The following SEC63 variants were observed in gnomAD, a reference collection of about 807,000 sequenced individuals.
SEC63 encodes the protein SEC63 protein translocation regulator.
Under a neutral mutation model 116.2 loss-of-function variants are expected in SEC63, and 56 were observed. The ratio of observed to expected loss-of-function variants is 0.48; its 90% CI spans 0.39 to 0.60. The LOEUF (loss-of-function observed/expected upper bound fraction) is 0.60, where lower values mean the gene tolerates loss of function less well. Ranked by LOEUF, SEC63 falls within the 20% of genes least tolerant of loss-of-function variation. The pLI is 0.00. For synonymous variants in SEC63, 273 were observed against 294.6 expected, an observed-to-expected ratio of 0.93 and a Z score of 0.75; for missense variants, 668 against 900.0, an observed-to-expected ratio of 0.74 and a Z score of 3.30.
intron 11 of SEC63, among the ~76,000 whole-genome samples, chr6:107,903,225 G>A (rs1469640230): frequency 5.9e-5 from 9 of 152,068 alleles, no homozygotes; most frequent in Non-Finnish European, 1.3e-4. Context: ...AAAATTATTT[G>A]CCTCACCTCA....
rs148258526 is a variant in SEC63 at position 107,947,268 on chromosome 6, G to C, written c.124+10618C>G. Among the ~76,000 whole-genome samples, 454 of 152,048 alleles carry C rather than the reference G, an allele frequency of 3.0e-3. 3 individuals are homozygous for C. The highest frequency in any genetic ancestry group is 0.01 in the African/African-American group (433 of 41,460). ...GCCAAGATTGTGCTACTGCACTCCA[G>C]CCTGGGTGACAGAGTGAGACCCTGT... On this transcript the variant is annotated intron_variant, in intron 1 of 20. Transcript: ENST00000369002.
In SEC63 at chr6:107,957,875, G is replaced by A. The variant is rs199958987; in HGVS notation, c.124+11C>T. On this transcript the variant is annotated intron_variant, in intron 1 of 20. Transcript: ENST00000369002. ...TGCGCGGGTTCGCGGGCAAAGGCCG[G>A]CGGGACTCACCGGCATTCTGATCTC... The A allele has an allele frequency of 1.2e-6, 2 of 1,609,206 alleles. No individual in the cohort carries two copies. The highest frequency in any genetic ancestry group is 2.7e-5 in the African/African-American group (2 of 74,620).
At chr6:107,873,211 G>A (rs1175980948) in intron 19 of SEC63, among the ~76,000 whole-genome samples, 1 of 152,072 alleles carries the variant, frequency 6.6e-6, no homozygotes, top group African/African-American at 2.4e-5. Context: ...CTATCATCTT[G>A]AAGAAATTAA....
rs1256789698 is a variant in SEC63 at position 107,868,187 on chromosome 6, G to A, written c.*3517C>T. 3.3e-5 allele frequency: 5 copies of A among 151,574 alleles called. No individual in the cohort carries two copies. In the East Asian group the frequency reaches 9.7e-4, roughly 29 times the overall value. The allele number at this position is 151,574 out of a possible 1,614,324, so 9.4% of individuals were successfully genotyped here. Reference sequence around the variant, plus strand: ...GGCAGTCTAAATAGAGGATTTCATGGAGTTAAATCAGACCGTTTGTGGGAA... The same window carrying A: ...GGCAGTCTAAATAGAGGATTTCATGAAGTTAAATCAGACCGTTTGTGGGAA... On this transcript the variant is annotated 3_prime_UTR_variant, in exon 21 of 21. Transcript: ENST00000369002.
intron 18 of SEC63, among the ~76,000 whole-genome samples, chr6:107,879,308 C>T (rs1786352078): frequency 6.6e-6 from 1 of 151,882 alleles, no homozygotes; most frequent in African/African-American, 2.4e-5. Context: ...GGATTATAGG[C>T]ACCCGCCACC....
rs771633199 is a variant in SEC63, at chr6:107,893,612, T to G, written c.1544A>C (p.Gln515Pro). The G allele has an allele frequency of 1.2e-6, 2 of 1,613,566 alleles. No individual in the cohort carries two copies. Among genetic ancestry groups the G allele is most frequent in the Non-Finnish European group, 1.7e-6 (2 of 1,179,908 alleles). Reference protein sequence around the residue: ...NKNRTKGGWQQKSKGPKKTAK... With the variant: ...NKNRTKGGWQPKSKGPKKTAK... ...AGTTTTCTTGGGTCCTTTACTCTTC[T>G]GTTGCCATCCTCCTTTTGTCCTGTT... Residue 515 changes from glutamine (Q) to proline (P), a missense_variant, in exon 16 of 21, where the codon CAG (glutamine) becomes CCG (proline). Around this residue, in one of 5 missense-constraint regions of SEC63, gnomAD observed 430 missense variants for 557.5 expected, o/e 0.77. Transcript: ENST00000369002.
intron 16 of SEC63, among the ~76,000 whole-genome samples, chr6:107,889,250 T>C (rs1056939115): frequency 3.9e-5 from 6 of 152,184 alleles, no homozygotes; most frequent in Non-Finnish European, 2.9e-5. Flanking sequence ...AGGGTATTAA[T>C]TGCTGCCTCA....
chr6:107,915,991 A>T (rs984012942), intron 4 of SEC63, among the ~76,000 whole-genome samples: 1 of 152,200 alleles, frequency 6.6e-6, no homozygotes, highest in African/African-American at 2.4e-5. Flanking sequence ...ACTGAGTTAA[A>T]ACTAAACACC....
chr6:107,916,838 T>TC, intron 4 of SEC63, among the ~76,000 whole-genome samples: 1 of 152,124 alleles, frequency 6.6e-6, no homozygotes, highest in East Asian at 1.9e-4. Context: ...CACTGGCCAT[T>TC]CCCCCATCTC....
chr6:107,900,034 G>C (rs6933288), intron 13 of SEC63, among the ~76,000 whole-genome samples: 151,705 of 152,330 alleles, frequency 1, 75,546 homozygotes, highest in East Asian at 1. Context: ...TAAGCAGAGG[G>C]TATGTCTTAC....
intron 3 of SEC63, among the ~76,000 whole-genome samples, chr6:107,923,444 A>T (rs1787602525): frequency 6.6e-6 from 1 of 152,114 alleles, no homozygotes; most frequent in Non-Finnish European, 1.5e-5. Flanking sequence ...AGAACCCATT[A>T]ATCAGGTTTA....
chr6:107,877,075 A>ATATATATATG (rs1454617210), intron 18 of SEC63: 1 of 174,242 alleles, frequency 5.7e-6, no homozygotes, highest in African/African-American at 2.5e-5. Context: ...GTGTGTGTAT[A>ATATATATATG]TATATATATA....
intron 4 of SEC63, among the ~76,000 whole-genome samples, chr6:107,915,717 G>A (rs1022056712): frequency 1.3e-5 from 2 of 152,070 alleles, no homozygotes; most frequent in Non-Finnish European, 2.9e-5. Flanking sequence ...ACCTAAGCAA[G>A]TTCTAAAAAA....
At chr6:107,957,827 G>A (rs1488794661) in intron 1 of SEC63, 59 bp downstream of exon 1, 5 of 1,494,430 alleles carry the variant, frequency 3.3e-6, no homozygotes, top group African/African-American at 2.9e-5. Context: ...GGCGCCGCAG[G>A]GCCTGGGGGC....
At chr6:107,912,010 C>G (rs1192739266) in intron 6 of SEC63, among the ~76,000 whole-genome samples, 1 of 152,208 alleles carries the variant, frequency 6.6e-6, no homozygotes. Flanking sequence ...GCATGACAAA[C>G]AAGCTTATGC....
intron 20 of SEC63, among the ~76,000 whole-genome samples, chr6:107,872,522 T>G (rs889736535): frequency 6.6e-6 from 1 of 151,890 alleles, no homozygotes; most frequent in African/African-American, 2.4e-5. Context: ...AAAGTGCCTT[T>G]CTAAAGAAAA....
chr6:107,881,958 C>CACT (rs1167220377), intron 17 of SEC63, among the ~76,000 whole-genome samples: 2 of 152,104 alleles, frequency 1.3e-5, no homozygotes, highest in Non-Finnish European at 2.9e-5. Context: ...TGTCAAAACC[C>CACT]TAAGAGTCAC....
chr6:107,923,362 C>T (rs1053075246), intron 3 of SEC63, among the ~76,000 whole-genome samples: 3 of 152,168 alleles, frequency 2.0e-5, no homozygotes, highest in Non-Finnish European at 4.4e-5. Flanking sequence ...AATCCTCCTA[C>T]CTCAGCCTCC....
chr6:107,927,551 A>T (rs1056082496), intron 2 of SEC63, among the ~76,000 whole-genome samples: 5 of 152,120 alleles, frequency 3.3e-5, no homozygotes, highest in African/African-American at 1.2e-4. Flanking sequence ...TTCCTTACCT[A>T]AACTCCCTTA....
Sources: gnomAD v4.1 joint callset for allele counts (sites outside exome capture counted in the v4.1 genomes callset) on GRCh38, gnomAD v4.1.1 for gene constraint, gnomAD v4.1.1 regional missense constraint, MANE v1.5 for transcripts, NCBI Gene and HGNC (gene_info 2026-07-23, HGNC 2026-07-21) for gene names.